ARFGEF1: variants seen among roughly 807,000 people sequenced by gnomAD.
The protein encoded by ARFGEF1 is ARF guanine nucleotide exchange factor 1.
A neutral mutation model predicts 231.0 loss-of-function variants in ARFGEF1; 42 were observed. The observed-to-expected ratio is 0.18, with a 90% CI of 0.14 to 0.24. The LOEUF is 0.24. Ranked by LOEUF, ARFGEF1 falls within the 10% of genes least tolerant of loss-of-function variation. The pLI, the probability that ARFGEF1 is intolerant of heterozygous loss-of-function variation, is 1.00. For synonymous variants in ARFGEF1, 710 were observed against 732.3 expected, an observed-to-expected ratio of 0.97 and a Z score of 0.49; for missense variants, 1,345 against 2,192.0, an observed-to-expected ratio of 0.61 and a Z score of 7.72.
chr8:67,189,009 G>C (rs1002141013), intron 5 of ARFGEF1, among the ~76,000 whole-genome samples: 1 of 152,126 alleles, frequency 6.6e-6, no homozygotes, highest in Admixed American at 6.6e-5. Context: ...CCACCATCTT[G>C]GGAGTTCTAA....
chr8:67,189,129 A>G (rs1835489449), intron 5 of ARFGEF1, among the ~76,000 whole-genome samples: 1 of 152,228 alleles, frequency 6.6e-6, no homozygotes, highest in South Asian at 2.1e-4. Flanking sequence ...AATGCTGGCA[A>G]GGTTATGGAG....
At chr8:67,215,122 A>T (rs570560197) in intron 33 of ARFGEF1, among the ~76,000 whole-genome samples, 10 of 152,304 alleles carry the variant, frequency 6.6e-5, no homozygotes. Context: ...TTTAAAAGTT[A>T]CAAACCTGTT....
At chr8:67,187,213 A>C (rs1468520272) in intron 5 of ARFGEF1, among the ~76,000 whole-genome samples, 1 of 152,238 alleles carries the variant, frequency 6.6e-6, no homozygotes, top group Non-Finnish European at 1.5e-5. Flanking sequence ...GATAACAACA[A>C]ACTGATTCTA....
At chr8:67,317,608 T>TA (rs1563912337) in intron 1 of ARFGEF1, among the ~76,000 whole-genome samples, 71 of 134,944 alleles carry the variant, frequency 5.3e-4, no homozygotes, top group Middle Eastern at 3.7e-3. Flanking sequence ...GAACTAATAT[T>TA]TAAAAAAAAA....
chr8:67,302,905 TTA>T (rs1806560741), intron 1 of ARFGEF1, among the ~76,000 whole-genome samples: 1 of 100,234 alleles, frequency 1.0e-5, no homozygotes. Flanking sequence ...ACCCCATCTC[TTA>T]AAAAAAAAAA....
At chr8:67,175,419 T>G, downstream of ARFGEF1, 1 of 1,614,142 alleles carries the variant, frequency 6.2e-7, no homozygotes, top group Non-Finnish European at 8.5e-7. Context: ...AGAATAAAAA[T>G]GCAGGAAGGT....
At chr8:67,234,251 A>G (rs989920395) in intron 22 of ARFGEF1, among the ~76,000 whole-genome samples, 1 of 152,164 alleles carries the variant, frequency 6.6e-6, no homozygotes, top group Non-Finnish European at 1.5e-5. Context: ...CAGAGTTAAT[A>G]ATTTACACCA....
At chr8:67,343,103 A>AG in intron 1 of ARFGEF1, 61 bp downstream of exon 1, 1 of 153,690 alleles carries the variant, frequency 6.5e-6, no homozygotes, top group Non-Finnish European at 1.2e-5. Flanking sequence ...ACCCCCCCAC[A>AG]GGCGCCCCCC....
At chr8:67,255,940 T>C (rs1840439859) in intron 17 of ARFGEF1, among the ~76,000 whole-genome samples, 1 of 152,258 alleles carries the variant, frequency 6.6e-6, no homozygotes, top group Non-Finnish European at 1.5e-5. Flanking sequence ...ATTTTTAATA[T>C]TTCTTCAAAA....
chr8:67,202,562 T>C (rs943047879), intron 36 of ARFGEF1, among the ~76,000 whole-genome samples: 1 of 152,040 alleles, frequency 6.6e-6, no homozygotes, highest in Non-Finnish European at 1.5e-5. Flanking sequence ...GCTGGCTCTA[T>C]TTTTTAAATT....
At chr8:67,257,083 AT>A (rs879571274) in intron 17 of ARFGEF1, among the ~76,000 whole-genome samples, 162 of 146,740 alleles carry the variant, frequency 1.1e-3, no homozygotes, top group African/African-American at 1.7e-3. Context: ...AGTTTGAAAC[AT>A]TTTTTTTTTT....
chr8:67,201,879 C>T, intron 36 of ARFGEF1: 1 of 375,408 alleles, frequency 2.7e-6, no homozygotes, highest in Non-Finnish European at 4.8e-6. Context: ...GTGGAAGGGG[C>T]CATGTGCTCT....
chr8:67,215,931 A>T (rs1315409872), intron 33 of ARFGEF1, among the ~76,000 whole-genome samples: 3 of 152,340 alleles, frequency 2.0e-5, no homozygotes, highest in African/African-American at 7.2e-5. Context: ...AAAAAGTTTA[A>T]ATACTATCCA....
Position 67,343,327 on chromosome 8 carries a change from C to A in ARFGEF1, c.-40G>T. On this transcript the variant is annotated 5_prime_UTR_variant, in exon 1 of 39. Transcript: ENST00000262215. The stretch of plus-strand genomic sequence containing the variant: ...AGGCGGCGGCTCGTCCGACCCGCGG[C>A]TCCCAGCGGCTGGAGGGGAGGAGGA... 1 of 1,603,904 alleles carries A rather than the reference C, an allele frequency of 6.2e-7. No individual in the cohort carries two copies. Among genetic ancestry groups the A allele is most frequent in the South Asian group, 1.1e-5 (1 of 90,432 alleles).
At chr8:67,321,492 G>A (rs1414561696) in intron 1 of ARFGEF1, among the ~76,000 whole-genome samples, 2 of 151,958 alleles carry the variant, frequency 1.3e-5, no homozygotes, top group Admixed American at 6.6e-5. Context: ...ATGGAGTCTC[G>A]CTCTGTCGCC....
chr8:67,326,612 T>C (rs962474529), intron 1 of ARFGEF1, among the ~76,000 whole-genome samples: 10 of 152,236 alleles, frequency 6.6e-5, no homozygotes, highest in Admixed American at 6.5e-4. Context: ...TTTTATTTCT[T>C]ATATAATACT....
At chr8:67,291,512 T>C (rs183767962) in intron 6 of ARFGEF1, among the ~76,000 whole-genome samples, 10 of 152,190 alleles carry the variant, frequency 6.6e-5, no homozygotes, top group Admixed American at 5.2e-4. Flanking sequence ...AGGTCACTTG[T>C]TTGCTATGAA....
chr8:67,267,173 T>C lies in ARFGEF1; in HGVS notation c.1730A>G (p.Asn577Ser). Reference protein sequence around the residue: ...VNYDCDLNAANIFERLVNDLS... With the variant: ...VNYDCDLNAASIFERLVNDLS... ...ATCATTTACTAGTCTTTCAAATATA[T>C]TGGCTGCATTTAAGTCACAGTCATA... Residue 577 changes from asparagine (N) to serine (S), a missense_variant, in exon 12 of 39, where the codon AAT (asparagine) becomes AGT (serine). Transcript: ENST00000262215. The C allele has an allele frequency of 1.2e-6, 2 of 1,613,378 alleles. No homozygotes were observed. The highest frequency in any genetic ancestry group is 1.3e-5 in the African/African-American group (1 of 75,040).
intron 1 of ARFGEF1, among the ~76,000 whole-genome samples, chr8:67,337,702 C>A (rs1465555650): frequency 6.6e-6 from 1 of 152,228 alleles, no homozygotes; most frequent in Non-Finnish European, 1.5e-5. Flanking sequence ...ACTTATGTCA[C>A]TTCTTTGCTC....
Sources: gnomAD v4.1 joint callset for allele counts (sites outside exome capture counted in the v4.1 genomes callset) on GRCh38, gnomAD v4.1.1 for gene constraint, MANE v1.5 for transcripts, NCBI Gene and HGNC (gene_info 2026-07-23, HGNC 2026-07-21) for gene names.